Variants in TBC1D28 observed in about 807,000 individuals in gnomAD.
TBC1D28 encodes the protein TBC1 domain family member 28, also known as TBC1 domain family, member 28.
In TBC1D28, 20 loss-of-function variants were observed where a neutral mutation model predicts 29.2. The ratio of observed to expected loss-of-function variants is 0.68; its 90% CI spans 0.48 to 0.99. The LOEUF is 0.99. Among genes scored for constraint, TBC1D28 ranks in the 50% least tolerant of loss-of-function variants. The probability of loss-of-function intolerance (pLI) is 0.00; values close to 1 mark genes in which losing one functional copy is unlikely to be tolerated. For synonymous variants in TBC1D28, 65 were observed against 90.9 expected (o/e 0.71, Z 1.62); for missense variants, 205 against 243.7 (o/e 0.84, Z 1.06).
chr17:18,638,461 C>T (rs752985068), intron 6 of TBC1D28, 41 bp from the exon 8 acceptor site: 8 of 1,610,710 alleles, frequency 5.0e-6, no homozygotes, highest in South Asian at 4.4e-5. Context: ...GGACATGGGG[C>T]AACCCCGCAG....
exon 7 of TBC1D28, chr17:18,638,407 A>G (rs2151716397): frequency 6.2e-7 from 1 of 1,614,152 alleles, no homozygotes; most frequent in Non-Finnish European, 8.5e-7. Context: ...GACTTTGCAT[A>G]CTCTTTGAGA....
At chr17:18,636,652 C>T in intron 8 of TBC1D28, 55 bp from the exon 10 acceptor site, 6 of 1,584,578 alleles carry the variant, frequency 3.8e-6, no homozygotes, top group Non-Finnish European at 5.2e-6. Flanking sequence ...CTGTCAATTT[C>T]ATTTTGTCTA....
chr17:18,637,741 A>C (rs1440875361), intron 8 of TBC1D28, 123 bp downstream of exon 9: 4 of 1,340,466 alleles, frequency 3.0e-6, no homozygotes, highest in Admixed American at 4.1e-5. Flanking sequence ...TCCCTGGGCC[A>C]GGAGAGCCCT....
chr17:18,638,151 G>A (rs2031588944), intron 7 of TBC1D28, 162 bp downstream of exon 8: 3 of 1,301,332 alleles, frequency 2.3e-6, no homozygotes, highest in Non-Finnish European at 1.1e-6. Context: ...GCAGAGCCCA[G>A]CGCACCTGTG....
rs138751982 is a variant in TBC1D28, at chr17:18,641,654, G to A, written c.-24C>T. On this transcript the variant is annotated 5_prime_UTR_variant, in exon 2 of 9. In the 5' UTR this introduces an upstream ATG that the reference lacks. Transcript: ENST00000345096. ...CACCTGCCCTGGCAGGACAAACGGC[G>A]TCCACTTGCTGAGGGTGAAGTCCCC... 2.6e-4 allele frequency: 117 copies of A among 446,458 alleles called. No individual in the cohort carries two copies. Among genetic ancestry groups the A allele is most frequent in the African/African-American group, 1.6e-3 (81 of 50,932 alleles). 27.7% of individuals were successfully genotyped at this position (446,458 alleles called of 1,614,324 possible). A position where few individuals can be genotyped will look rare whatever the true frequency, so the allele number is the denominator to read the frequency against.
At chr17:18,636,209 C>T (rs1399522755) in exon 9 of TBC1D28, 8 of 1,265,844 alleles carry the variant, frequency 6.3e-6, no homozygotes, top group Middle Eastern at 3.1e-4. Flanking sequence ...GATGCAAACT[C>T]ATTTCATGAC....
At chr17:18,642,818 T>C (rs542566533), upstream of TBC1D28, 1 of 152,334 alleles carries the variant, frequency 6.6e-6, no homozygotes, top group Non-Finnish European at 1.5e-5. Flanking sequence ...GTGCGTCTTA[T>C]GTGCAAGTGC....
In TBC1D28 at chr17:18,637,850, C is replaced by A; in HGVS notation, c.497+14G>T. On this transcript the variant is annotated intron_variant, in intron 8 of 8. Coordinates refer to ENST00000345096, the Ensembl canonical transcript of TBC1D28. ...CATCTTCTCTGGGACCCCTGCAAGC[C>A]CCATTGGCCTTACTTGACTCCGAAT... 1 of 1,613,580 alleles carries A rather than the reference C, an allele frequency of 6.2e-7. No individual in the cohort carries two copies. The highest frequency in any genetic ancestry group is 8.5e-7 in the Non-Finnish European group (1 of 1,179,788).
exon 9 of TBC1D28, chr17:18,636,557 A>G (rs757948094): frequency 6.2e-7 from 1 of 1,614,050 alleles, no homozygotes; most frequent in South Asian, 1.1e-5. Flanking sequence ...ACAGGGTTAT[A>G]TGCAGAATAG....
chr17:18,634,816 G>GCCCCTCAGCCTCCTCAGCCT (rs2031404076), downstream of TBC1D28, among the ~76,000 whole-genome samples: 2 of 94,718 alleles, frequency 2.1e-5, no homozygotes, highest in Non-Finnish European at 2.5e-5. Context: ...CCCCTCAGCC[G>GCCCCTCAGCCTCCTCAGCCT]CCTCAGCCCC....
Position 18,636,551 on chromosome 17 carries a change from GGTTATAT to G in TBC1D28, c.537_543del (p.Tyr180LeufsTer2), listed in dbSNP as rs750620319. 1 of 1,613,956 alleles carries G rather than the reference GGTTATAT, an allele frequency of 6.2e-7. No individual in the cohort carries two copies. Among genetic ancestry groups the G allele is most frequent in the African/African-American group, 1.3e-5 (1 of 74,942 alleles). ...TATCGCTGCCCGGGAATACTCACAG[GGTTATAT>G]GCAGAATAGGCCACGAGGATGTCAC... is the stretch of plus-strand genomic sequence containing the variant. On this transcript the variant is annotated frameshift_variant, in exon 9 of 9. Coordinates refer to ENST00000345096, the Ensembl canonical transcript of TBC1D28. LOFTEE classifies it high-confidence loss of function.
chr17:18,636,065 G>A (rs1464106683), exon 9 of TBC1D28: 21 of 1,024,770 alleles, frequency 2.0e-5, no homozygotes, highest in Admixed American at 5.2e-5. Context: ...GCCTGGAATG[G>A]TCTGGAAAGT....
chr17:18,638,593 C>T (rs745793011), intron 6 of TBC1D28, 28 bp downstream of exon 7: 92 of 1,614,054 alleles, frequency 5.7e-5, no homozygotes, highest in Non-Finnish European at 7.5e-5. Context: ...AGAGAGCAGT[C>T]ACGGGGGCCG....
At position 18,641,120 on chromosome 17, in the gene TBC1D28, G is replaced by A. The variant is rs530204996; in HGVS notation, c.76-16C>T. The A allele has an allele frequency of 1.4e-6, 1 of 739,182 alleles. No homozygotes were observed. The highest frequency in any genetic ancestry group is 2.9e-5 in the Admixed American group (1 of 34,026). 45.8% of individuals were successfully genotyped at this position (739,182 alleles called of 1,614,324 possible). A position where few individuals can be genotyped will look rare whatever the true frequency, so the allele number is the denominator to read the frequency against. The stretch of plus-strand genomic sequence containing the variant: ...CTCGGTGTCCCTGAAACCCAGAGGA[G>A]GCCAGGATAGTGGGGGTAAGGTGAG... On this transcript the variant is annotated splice_polypyrimidine_tract_variant and intron_variant, in intron 3 of 8. Coordinates refer to ENST00000345096, the Ensembl canonical transcript of TBC1D28.
At chr17:18,641,518 A>T in intron 2 of TBC1D28, 114 bp downstream of exon 3, 1 of 754,910 alleles carries the variant, frequency 1.3e-6, no homozygotes. Flanking sequence ...CCCTGACTGG[A>T]TCTCTGAAGT....
exon 9 of TBC1D28, chr17:18,635,733 C>T (rs1448368729): frequency 9.9e-6 from 10 of 1,008,160 alleles, no homozygotes; most frequent in Non-Finnish European, 1.1e-5. Flanking sequence ...GCATGAAACA[C>T]GGTGACTTGG....
At chr17:18,634,847 GCC>G (rs1238330135), downstream of TBC1D28, among the ~76,000 whole-genome samples, 1 of 136,946 alleles carries the variant, frequency 7.3e-6, no homozygotes, top group African/African-American at 2.7e-5. Flanking sequence ...AGCCTCCTCA[GCC>G]CCTCAGCCGC....
intron 4 of TBC1D28, among the ~76,000 whole-genome samples, chr17:18,640,100 C>G (rs2031693804): frequency 1.3e-5 from 2 of 151,136 alleles, no homozygotes; most frequent in South Asian, 4.2e-4. Context: ...GCTGTCCTCC[C>G]CTACTGTCCT....
chr17:18,638,519 C>A (rs371090578), intron 6 of TBC1D28, 99 bp from the exon 8 acceptor site: 14 of 1,449,818 alleles, frequency 9.7e-6, no homozygotes, highest in South Asian at 7.3e-5. Context: ...GGATGGGGTA[C>A]CACCCACCCA....
Sources: allele counts gnomAD v4.1 joint callset (sites outside exome capture counted in the v4.1 genomes callset), GRCh38; gene constraint gnomAD v4.1.1; transcripts MANE v1.5; gene names NCBI Gene and HGNC (gene_info 2026-07-23, HGNC 2026-07-21).